Variants in PHACTR2 observed in about 807,000 individuals in gnomAD.
PHACTR2 encodes the protein chromosome 6 open reading frame 56.
Under a neutral mutation model 76.0 loss-of-function variants are expected in PHACTR2, and 30 were observed. The observed-to-expected ratio is 0.39, with a 90% confidence interval of 0.30 to 0.54. The LOEUF (loss-of-function observed/expected upper bound fraction) is 0.54, where lower values mean the gene tolerates loss of function less well. PHACTR2 is among the 20% of genes least tolerant of loss of function. The pLI, the probability that PHACTR2 is intolerant of heterozygous loss-of-function variation, is 0.61. For synonymous variants in PHACTR2, 292 were observed against 292.5 expected (o/e 1.00, Z 0.02); for missense variants, 696 against 781.1 (o/e 0.89, Z 1.30).
intron 1 of PHACTR2, among the ~76,000 whole-genome samples, chr6:143,586,381 C>T (rs1471513410): frequency 2.0e-5 from 3 of 152,130 alleles, no homozygotes; most frequent in Admixed American, 2.0e-4. Context: ...ATAGATAAAT[C>T]CACAAATTAT....
At position 143,548,048 on chromosome 6, in the gene PHACTR2, A is replaced by T. The variant is rs55753101; in HGVS notation, c.217+10841A>T. Reference sequence around the variant, plus strand: ...TCATAGACTGGTTGGCTTATAAATAAGAGAAGTTTATTTCTCTTATTATGT... The same window carrying T: ...TCATAGACTGGTTGGCTTATAAATATGAGAAGTTTATTTCTCTTATTATGT... On this transcript the variant is annotated intron_variant, in intron 1 of 11. Coordinates refer to the PHACTR2 transcript ENST00000367584. The surrounding 1 kb of genome is among the most constrained non-coding windows in gnomAD (Gnocchi z 4.5). Among the ~76,000 whole-genome samples the T allele has an allele frequency of 0.047, 7,187 of 152,274 alleles. 261 individuals are homozygous for T. Among genetic ancestry groups the T allele is most frequent in the Non-Finnish European group, 0.071 (4,861 of 68,000 alleles).
Position 143,539,614 on chromosome 6 carries a change from G to A in PHACTR2, c.217+2407G>A, listed in dbSNP as rs966357282. Among the ~76,000 whole-genome samples the A allele has an allele frequency of 3.9e-5, 6 of 152,144 alleles. No individual in the cohort carries two copies. The highest frequency in any genetic ancestry group is 1.2e-4 in the African/African-American group (5 of 41,424). ...CATTCCTTGGCCTAACACTATAGTAGCCCAATTTCCAGCCCTTCTCCAGAA... is the reference window on the plus strand; with the variant it reads ...CATTCCTTGGCCTAACACTATAGTAACCCAATTTCCAGCCCTTCTCCAGAA... On this transcript the variant is annotated intron_variant, in intron 1 of 11. Coordinates refer to the PHACTR2 transcript ENST00000367584. The surrounding 1 kb of genome is among the most constrained non-coding windows in gnomAD (Gnocchi z 4.3).
At position 143,753,652 on chromosome 6, in the gene PHACTR2, G is replaced by C; in HGVS notation, c.296-102G>C. The C allele has an allele frequency of 1.3e-6, 1 of 755,760 alleles. No individual in the cohort carries two copies. The highest frequency in any genetic ancestry group is 2.2e-6 in the Non-Finnish European group (1 of 463,192). 46.8% of individuals were successfully genotyped at this position (755,760 alleles called of 1,614,324 possible). On this transcript the variant is annotated intron_variant, in intron 3 of 12. Transcript: ENST00000440869. The surrounding 1 kb of genome is among the most constrained non-coding windows in gnomAD (Gnocchi z 4.6). ...AGTGCAGGGTGTATTTGGTTCCCAG[G>C]GACTGAAACATGAATCTAAATTTTA... is the stretch of plus-strand genomic sequence containing the variant.
At chr6:143,778,674 G>C (rs1020667642) in intron 9 of PHACTR2, among the ~76,000 whole-genome samples, 1 of 152,140 alleles carries the variant, frequency 6.6e-6, no homozygotes, top group African/African-American at 2.4e-5. Flanking sequence ...TGCTTTTCAT[G>C]ATAGGTTCCT....
At chr6:143,724,361 C>A (rs1244802410) in intron 2 of PHACTR2, among the ~76,000 whole-genome samples, 1 of 151,888 alleles carries the variant, frequency 6.6e-6, no homozygotes, top group Non-Finnish European at 1.5e-5. Flanking sequence ...CTCGATCTCC[C>A]GAACTCGTGA....
rs575044793 is a variant in PHACTR2, at chr6:143,823,161, C to G, written c.1923-513C>G. On this transcript the variant is annotated intron_variant, in intron 12 of 12. Coordinates refer to ENST00000440869, the MANE Select transcript of PHACTR2 (RefSeq NM_001100164.2). This position sits in a 1 kb window ranked among gnomAD's most constrained non-coding sequence, Gnocchi z 5.7. ...AGTTGTGGACATGCTTAGTATATAC[C>G]TGTGGAACATCTGGGGGGAAGCGCC... Among the ~76,000 whole-genome samples the G allele has an allele frequency of 4.5e-4, 69 of 152,214 alleles. No homozygotes were observed. The highest frequency in any genetic ancestry group is 6.8e-4 in the Non-Finnish European group (46 of 68,040).
intron 1 of PHACTR2, among the ~76,000 whole-genome samples, chr6:143,560,282 C>T (rs982522607): frequency 2.0e-5 from 3 of 152,178 alleles, no homozygotes; most frequent in Admixed American, 6.5e-5. Context: ...TCTGTCTTTA[C>T]AAACAGAGCC....
intron 1 of PHACTR2, among the ~76,000 whole-genome samples, chr6:143,665,372 C>T (rs1777016779): frequency 1.3e-5 from 2 of 152,136 alleles, no homozygotes; most frequent in African/African-American, 2.4e-5. Context: ...TTTAGGTATA[C>T]ATTGATTTGT....
chr6:143,638,423 T>C (rs1776503929), intron 1 of PHACTR2, among the ~76,000 whole-genome samples: 1 of 151,828 alleles, frequency 6.6e-6, no homozygotes, highest in Non-Finnish European at 1.5e-5. Flanking sequence ...TGCATGCCCA[T>C]AGTCCCAGCT....
chr6:143,745,091 C>G (rs1293025550), intron 2 of PHACTR2, among the ~76,000 whole-genome samples: 1 of 152,206 alleles, frequency 6.6e-6, no homozygotes, highest in East Asian at 1.9e-4. Flanking sequence ...CTGTGCCCCA[C>G]TAGCGTCTTC....
Position 143,547,733 on chromosome 6 carries a change from C to T in PHACTR2, c.217+10526C>T, listed in dbSNP as rs1211668221. ...ATTTGTTAACAAGAGCAGCCATTAA[C>T]CGGGAAGGAGAGTGTGGCTTCATGA... is the stretch of plus-strand genomic sequence containing the variant. On this transcript the variant is annotated intron_variant, in intron 1 of 11. Transcript: ENST00000367584. The surrounding 1 kb of genome is among the most constrained non-coding windows in gnomAD (Gnocchi z 4.2). Among the ~76,000 whole-genome samples the T allele has an allele frequency of 1.3e-5, 2 of 152,158 alleles. No homozygotes were observed. Among genetic ancestry groups the T allele is most frequent in the African/African-American group, 4.8e-5 (2 of 41,424 alleles).
Position 143,772,606 on chromosome 6 carries a change from C to T in PHACTR2, c.1432+149C>T. ...TTCTCAAATTAGAAATGTGTATATC[C>T]TAAAGTTTAGCTTTTGATGGGAGGC... On this transcript the variant is annotated intron_variant, in intron 7 of 12. Coordinates refer to ENST00000440869, the MANE Select transcript of PHACTR2 (RefSeq NM_001100164.2). The surrounding 1 kb of genome is among the most constrained non-coding windows in gnomAD (Gnocchi z 5.4). 1 of 651,214 alleles carries T rather than the reference C, an allele frequency of 1.5e-6. No homozygotes were observed. Among genetic ancestry groups the T allele is most frequent in the Non-Finnish European group, 2.7e-6 (1 of 376,826 alleles). 40.3% of individuals were successfully genotyped at this position (651,214 alleles called of 1,614,324 possible).
chr6:143,796,486 C>T (rs560696607), intron 11 of PHACTR2, among the ~76,000 whole-genome samples: 37 of 151,768 alleles, frequency 2.4e-4, no homozygotes, highest in African/African-American at 7.0e-4. Context: ...TAGGTATACA[C>T]GTGCCATGGT....
Position 143,654,649 on chromosome 6 carries a change from A to G in PHACTR2, c.13+46327A>G, listed in dbSNP as rs1337405355. Among the ~76,000 whole-genome samples, 1 of 151,890 alleles carries G rather than the reference A, an allele frequency of 6.6e-6. No individual in the cohort carries two copies. The highest frequency in any genetic ancestry group is 2.4e-5 in the African/African-American group (1 of 41,332). On this transcript the variant is annotated intron_variant, in intron 1 of 11. Coordinates refer to the PHACTR2 transcript ENST00000305766. This position sits in a 1 kb window ranked among gnomAD's most constrained non-coding sequence, Gnocchi z 4.6. ...GCAAGACTCCATCTCTACAAAAAGT[A>G]AAAAATTAGCCAAGCATGGTGGTGC...
At chr6:143,691,608 A>G (rs1777645229) in intron 1 of PHACTR2, among the ~76,000 whole-genome samples, 1 of 152,238 alleles carries the variant, frequency 6.6e-6, no homozygotes, top group Admixed American at 6.5e-5. Flanking sequence ...GGAAGTTATC[A>G]GCAGAATGCC....
In PHACTR2 at chr6:143,678,320, A is replaced by T; in HGVS notation, c.46+111A>T. ...TGGTCGGGTTCCGCTCGGACCCGCC[A>T]AGTCCCTCGGAGAAACCCCAGAGGT... On this transcript the variant is annotated intron_variant, in intron 1 of 12. Coordinates refer to ENST00000440869, the MANE Select transcript of PHACTR2 (RefSeq NM_001100164.2). This position sits in a 1 kb window ranked among gnomAD's most constrained non-coding sequence, Gnocchi z 6.2. 1 of 1,028,784 alleles carries T rather than the reference A, an allele frequency of 9.7e-7. No individual in the cohort carries two copies. Among genetic ancestry groups the T allele is most frequent in the Non-Finnish European group, 1.3e-6 (1 of 759,632 alleles). The allele number at this position is 1,028,784 out of a possible 1,614,324, so 63.7% of individuals were successfully genotyped here. A position where few individuals can be genotyped will look rare whatever the true frequency, so the allele number is the denominator to read the frequency against.
chr6:143,779,398 G>A (rs1405629978), intron 9 of PHACTR2, among the ~76,000 whole-genome samples: 1 of 150,508 alleles, frequency 6.6e-6, no homozygotes. Context: ...TGCCCAGGCT[G>A]GAGGGCAGTG....
chr6:143,773,247 G>C (rs1775195196), intron 7 of PHACTR2, among the ~76,000 whole-genome samples: 1 of 151,876 alleles, frequency 6.6e-6, no homozygotes, highest in Admixed American at 6.6e-5. Flanking sequence ...TAAATACCTT[G>C]CTAGCATTAA....
intron 1 of PHACTR2, among the ~76,000 whole-genome samples, chr6:143,538,542 C>G (rs1460666637): frequency 6.6e-6 from 1 of 152,178 alleles, no homozygotes; most frequent in Non-Finnish European, 1.5e-5. Context: ...AAAGCCCTGC[C>G]GGGGCGTGAA....
Sources: allele counts gnomAD v4.1 joint callset (sites outside exome capture counted in the v4.1 genomes callset), GRCh38; gene constraint gnomAD v4.1.1; non-coding constraint Gnocchi (gnomAD v3.1); transcripts MANE v1.5; gene names NCBI Gene and HGNC (gene_info 2026-07-23, HGNC 2026-07-21).